The following SERPINI1 variants were observed in gnomAD, a reference collection of about 807,000 sequenced individuals.
SERPINI1 encodes neuroserpin.
Under a neutral mutation model 41.1 loss-of-function variants are expected in SERPINI1, and 19 were observed. The observed-to-expected ratio is 0.46, with a 90% CI of 0.32 to 0.68. The LOEUF (loss-of-function observed/expected upper bound fraction) is 0.68, where lower values mean the gene tolerates loss of function less well. Among genes scored for constraint, SERPINI1 ranks in the 30% least tolerant of loss-of-function variants. SERPINI1 has a pLI of 0.03. For synonymous variants in SERPINI1, 138 were observed against 156.6 expected (o/e 0.88, Z 0.89); for missense variants, 460 against 479.2 (o/e 0.96, Z 0.37).
chr3:167,744,246 G>C (rs1725769370), intron 1 of SERPINI1, among the ~76,000 whole-genome samples: 1 of 152,020 alleles, frequency 6.6e-6, no homozygotes, highest in African/African-American at 2.4e-5. Flanking sequence ...GGTTGTTTAT[G>C]TTGACATAAT....
intron 6 of SERPINI1, among the ~76,000 whole-genome samples, chr3:167,807,738 G>A (rs1397930563): frequency 6.6e-6 from 1 of 152,158 alleles, no homozygotes; most frequent in Non-Finnish European, 1.5e-5. Context: ...ACTGCTGTGA[G>A]AGCTAGACCA....
At chr3:167,744,466 C>T (rs183719167) in intron 1 of SERPINI1, among the ~76,000 whole-genome samples, 3 of 150,760 alleles carry the variant, frequency 2.0e-5, no homozygotes, top group African/African-American at 7.3e-5. Context: ...AGGGTATCAT[C>T]TAATTGTGAG....
chr3:167,790,977 G>T (rs1328325018), intron 3 of SERPINI1, among the ~76,000 whole-genome samples: 1 of 151,944 alleles, frequency 6.6e-6, no homozygotes. Context: ...GAGTAAAAAA[G>T]AATTAAAAAT....
intron 1 of SERPINI1, among the ~76,000 whole-genome samples, chr3:167,742,990 T>C (rs1357172414): frequency 6.6e-6 from 1 of 152,110 alleles, no homozygotes; most frequent in Non-Finnish European, 1.5e-5. Context: ...TAGCTAATAT[T>C]GCATCTAATA....
chr3:167,735,861 C>T (rs1436622837), intron 1 of SERPINI1, 38 bp downstream of exon 1: 1 of 152,210 alleles, frequency 6.6e-6, no homozygotes. Flanking sequence ...CTGCACTGCC[C>T]TGGAGAAAAC....
At position 167,744,605 on chromosome 3, in the gene SERPINI1, T is replaced by A. The variant is rs897628910; in HGVS notation, c.-19+8782T>A. Among the ~76,000 whole-genome samples the A allele has an allele frequency of 1.0e-4, 14 of 139,904 alleles. 1 individual carries two copies. The highest frequency in any genetic ancestry group is 8.5e-4 in the South Asian group (4 of 4,704). 91.8% of individuals were successfully genotyped at this position (139,904 alleles called of 152,430 possible). On this transcript the variant is annotated intron_variant, in intron 1 of 8. Coordinates refer to ENST00000446050, the MANE Select transcript of SERPINI1 (RefSeq NM_001122752.2). ...AATATTTTAACTATATTGTTATTTT[T>A]TATATATATAACTATATTTAAATAT... is the stretch of plus-strand genomic sequence containing the variant.
intron 1 of SERPINI1, among the ~76,000 whole-genome samples, chr3:167,748,664 T>A (rs79207242): frequency 6.6e-6 from 1 of 151,986 alleles, no homozygotes; most frequent in Non-Finnish European, 1.5e-5. Flanking sequence ...AATTTGAGTA[T>A]GAAATCAACT....
intron 1 of SERPINI1, among the ~76,000 whole-genome samples, chr3:167,746,363 A>C (rs2108531999): frequency 6.6e-6 from 1 of 152,310 alleles, no homozygotes; most frequent in African/African-American, 2.4e-5. Flanking sequence ...TGCATTATAC[A>C]GTAGTTTCTT....
intron 1 of SERPINI1, among the ~76,000 whole-genome samples, chr3:167,758,254 T>G (rs939971933): frequency 5.3e-5 from 8 of 152,218 alleles, no homozygotes; most frequent in Non-Finnish European, 1.0e-4. Flanking sequence ...TTGGATGGAT[T>G]GATTTTTAAC....
At chr3:167,824,594 A>T (rs753944348) in intron 8 of SERPINI1, 32 bp downstream of exon 8, 45 of 1,387,228 alleles carry the variant, frequency 3.2e-5, no homozygotes, top group Non-Finnish European at 4.4e-5. Flanking sequence ...AATTTTATTT[A>T]ATAGGTCACA....
chr3:167,818,596 C>T (rs1445438238), intron 6 of SERPINI1, among the ~76,000 whole-genome samples: 1 of 150,912 alleles, frequency 6.6e-6, no homozygotes, highest in African/African-American at 2.4e-5. Context: ...AAAGTTTGTC[C>T]AGTTCATTAT....
chr3:167,824,238 ATTGT>A (rs3838603), intron 7 of SERPINI1, among the ~76,000 whole-genome samples: 17,698 of 152,006 alleles, frequency 0.12, 1,342 homozygotes, highest in African/African-American at 0.2. Flanking sequence ...GAAGGAAGAA[ATTGT>A]TTGTTTGTTT....
intron 5 of SERPINI1, among the ~76,000 whole-genome samples, chr3:167,800,616 T>C (rs916088325): frequency 6.6e-6 from 1 of 152,206 alleles, no homozygotes; most frequent in Admixed American, 6.5e-5. Flanking sequence ...ACTCTGGCTT[T>C]GTAGTCTCAG....
intron 4 of SERPINI1, 81 bp downstream of exon 4, chr3:167,792,865 CA>C: frequency 8.2e-7 from 1 of 1,212,310 alleles, no homozygotes. Context: ...CATTCATATT[CA>C]AACTCCTTGT....
chr3:167,767,648 T>C (rs748923045), intron 1 of SERPINI1, among the ~76,000 whole-genome samples: 9 of 152,182 alleles, frequency 5.9e-5, no homozygotes, highest in Non-Finnish European at 1.2e-4. Flanking sequence ...TTATCTTTTT[T>C]GTAAAGAAAA....
intron 6 of SERPINI1, among the ~76,000 whole-genome samples, chr3:167,814,384 C>G (rs368705175): frequency 6.6e-6 from 1 of 152,116 alleles, no homozygotes. Context: ...TTATTCCTAT[C>G]GTAAGAGAAC....
intron 1 of SERPINI1, among the ~76,000 whole-genome samples, chr3:167,783,419 C>G (rs565441480): frequency 6.6e-6 from 1 of 152,066 alleles, no homozygotes; most frequent in Non-Finnish European, 1.5e-5. Context: ...CAGGCATCAA[C>G]GAATAAATAT....
At chr3:167,794,587 A>G in intron 4 of SERPINI1, 33 bp from the exon 5 acceptor site, 1 of 1,587,922 alleles carries the variant, frequency 6.3e-7, no homozygotes, top group Non-Finnish European at 8.6e-7. Context: ...AAGCTTTGAT[A>G]GGCATCTTTT....
At chr3:167,775,293 G>A (rs1173132030) in intron 1 of SERPINI1, among the ~76,000 whole-genome samples, 1 of 147,520 alleles carries the variant, frequency 6.8e-6, no homozygotes, top group Non-Finnish European at 1.5e-5. Context: ...ACAGAGTCTC[G>A]CTCTGTTGCC....
Sources: allele counts gnomAD v4.1 joint callset (sites outside exome capture counted in the v4.1 genomes callset), GRCh38; gene constraint gnomAD v4.1.1; transcripts MANE v1.5; gene names NCBI Gene and HGNC (gene_info 2026-07-23, HGNC 2026-07-21).